The following TENM2 variants were observed in gnomAD, a reference collection of about 807,000 sequenced individuals.
TENM2 encodes teneurin transmembrane protein 2.
A neutral mutation model predicts 245.2 loss-of-function variants in TENM2; 52 were observed. That is an observed-to-expected ratio of 0.21 (90% CI 0.17 to 0.27). TENM2 has a LOEUF of 0.27. Ranked by LOEUF, TENM2 falls within the 10% of genes least tolerant of loss-of-function variation. The pLI is 1.00. For synonymous variants in TENM2, 1,363 were observed against 1,438.9 expected (o/e 0.95, Z 1.19); for missense variants, 3,046 against 3,666.8 (o/e 0.83, Z 4.37).
At chr5:167,334,998 T>A (rs1757672707) in intron 1 of TENM2, among the ~76,000 whole-genome samples, 1 of 152,190 alleles carries the variant, frequency 6.6e-6, no homozygotes, top group African/African-American at 2.4e-5. Context: ...CTTGACTATT[T>A]TATTAATAGC....
intron 2 of TENM2, among the ~76,000 whole-genome samples, chr5:167,607,950 T>G (rs1777175574): frequency 6.6e-6 from 1 of 152,184 alleles, no homozygotes; most frequent in Admixed American, 6.5e-5. Context: ...CTTTTTCTTT[T>G]ACCCAGTTTT....
chr5:167,651,155 G>C (rs1754439022), intron 2 of TENM2, among the ~76,000 whole-genome samples: 1 of 151,738 alleles, frequency 6.6e-6, no homozygotes, highest in Non-Finnish European at 1.5e-5. Flanking sequence ...GAACTACCTT[G>C]CACACTAATT....
rs10475516 is a variant in TENM2, at chr5:167,296,046, T to A, written c.226+10983T>A. Among the ~76,000 whole-genome samples, 299 of 152,332 alleles carry A rather than the reference T, an allele frequency of 2.0e-3. 2 individuals carry two copies. The highest frequency in any genetic ancestry group is 6.9e-3 in the African/African-American group (287 of 41,582). On this transcript the variant is annotated intron_variant, in intron 1 of 28. Coordinates refer to ENST00000518659, the Ensembl canonical transcript of TENM2. ...CTATCAGCATTATGTTTAATGCATT[T>A]TCTCCAAGACAGAAAAATCTTTTCA...
intron 2 of TENM2, among the ~76,000 whole-genome samples, chr5:167,741,681 G>T (rs768087519): frequency 6.6e-6 from 1 of 152,076 alleles, no homozygotes; most frequent in South Asian, 2.1e-4. Flanking sequence ...CTGGTTCAGC[G>T]ACTCAGTCTA....
At chr5:167,202,336 C>T in the TENM2 span, among the ~76,000 whole-genome samples, 1 of 152,142 alleles carries the variant, frequency 6.6e-6, no homozygotes, top group Admixed American at 6.6e-5. Context: ...TGTCAGCCTA[C>T]TGCCCCTCTC....
chr5:167,558,095 C>A (rs1773365943), intron 2 of TENM2, among the ~76,000 whole-genome samples: 1 of 152,100 alleles, frequency 6.6e-6, no homozygotes, highest in African/African-American at 2.4e-5. Context: ...GAAGCAGAAC[C>A]ACTAAGGAAT....
intron 2 of TENM2, among the ~76,000 whole-genome samples, chr5:167,737,653 T>A (rs1447201570): frequency 1.3e-5 from 2 of 152,156 alleles, no homozygotes; most frequent in Admixed American, 6.5e-5. Context: ...AGATGATACA[T>A]CAAGGCTCTA....
intron 2 of TENM2, among the ~76,000 whole-genome samples, chr5:167,811,308 G>A (rs1171876507): frequency 6.6e-6 from 1 of 152,092 alleles, no homozygotes; most frequent in Admixed American, 6.6e-5. Flanking sequence ...GATCCCTCAT[G>A]GCTTGGTGCT....
the TENM2 span, among the ~76,000 whole-genome samples, chr5:167,187,423 C>T: frequency 2.6e-5 from 4 of 152,132 alleles, no homozygotes; most frequent in East Asian, 1.9e-4. Context: ...TTAAGGTATT[C>T]GCTTGCAGTT....
intron 2 of TENM2, among the ~76,000 whole-genome samples, chr5:167,758,684 C>T: frequency 6.6e-6 from 1 of 152,082 alleles, no homozygotes; most frequent in South Asian, 2.1e-4. Flanking sequence ...ACATTCTGTA[C>T]ATGGAAACAT....
intron 2 of TENM2, among the ~76,000 whole-genome samples, chr5:167,597,868 T>C (rs1399417068): frequency 2.6e-5 from 4 of 152,242 alleles, no homozygotes; most frequent in African/African-American, 9.6e-5. Context: ...TGTGCACACA[T>C]ATATACTGCT....
At chr5:167,995,053 GCGGGGCCAGTGAGCACCA>G (rs540924863) in intron 5 of TENM2, among the ~76,000 whole-genome samples, 20 of 152,172 alleles carry the variant, frequency 1.3e-4, no homozygotes, top group Admixed American at 3.3e-4. Context: ...TTAATGTTCT[GCGGGGCCAGTGAGCACCA>G]CGGGGCCAGT....
At chr5:167,862,544 C>T (rs1337587321) in intron 2 of TENM2, among the ~76,000 whole-genome samples, 6 of 152,176 alleles carry the variant, frequency 3.9e-5, no homozygotes, top group Non-Finnish European at 8.8e-5. Flanking sequence ...AAAGTTAAAT[C>T]CTCCTCCTTG....
chr5:166,984,270 C>G, the TENM2 span, among the ~76,000 whole-genome samples: 2 of 151,984 alleles, frequency 1.3e-5, no homozygotes, highest in Non-Finnish European at 2.9e-5. Flanking sequence ...GAGACAAGGA[C>G]TAAAGCGGGA....
chr5:167,562,294 A>G (rs533596575), intron 2 of TENM2, among the ~76,000 whole-genome samples: 2 of 151,906 alleles, frequency 1.3e-5, no homozygotes, highest in African/African-American at 4.9e-5. Context: ...AAGAGAATCT[A>G]GTTGGGCAAA....
At chr5:167,794,220 G>C (rs1249286253) in intron 2 of TENM2, among the ~76,000 whole-genome samples, 1 of 152,016 alleles carries the variant, frequency 6.6e-6, no homozygotes, top group Admixed American at 6.6e-5. Context: ...AATGCTACAG[G>C]TGGTACACGT....
At chr5:167,777,449 A>C (rs1763887565) in intron 2 of TENM2, among the ~76,000 whole-genome samples, 1 of 152,250 alleles carries the variant, frequency 6.6e-6, no homozygotes, top group Admixed American at 6.5e-5. Flanking sequence ...TGTGCCTAGC[A>C]CTGTGCTATT....
intron 2 of TENM2, among the ~76,000 whole-genome samples, chr5:167,737,352 G>A (rs1484597256): frequency 6.6e-6 from 1 of 152,182 alleles, no homozygotes; most frequent in Non-Finnish European, 1.5e-5. Context: ...AGCGCCGGCG[G>A]CTACCAAGCA....
intron 14 of TENM2, among the ~76,000 whole-genome samples, chr5:168,191,316 C>T (rs1760936131): frequency 6.6e-6 from 1 of 152,182 alleles, no homozygotes. Context: ...CCACCCCATC[C>T]CCTCCTCTTT....
Sources: allele counts gnomAD v4.1 joint callset (sites outside exome capture counted in the v4.1 genomes callset), GRCh38; gene constraint gnomAD v4.1.1; transcripts MANE v1.5; gene names NCBI Gene and HGNC (gene_info 2026-07-23, HGNC 2026-07-21).